The following CFAP20DC variants were observed in gnomAD, a reference collection of about 807,000 sequenced individuals.
CFAP20DC encodes CFAP20 domain containing.
Under a neutral mutation model 101.7 loss-of-function variants are expected in CFAP20DC, and 84 were observed. The observed-to-expected ratio is 0.83, with a 90% CI of 0.69 to 0.99. The LOEUF (loss-of-function observed/expected upper bound fraction) is 0.99. Ranked by LOEUF, CFAP20DC falls within the 50% of genes least tolerant of loss-of-function variation. CFAP20DC has a pLI of 0.00. For missense variants in CFAP20DC, 1,007 were observed against 970.3 expected, an observed-to-expected ratio of 1.04 and a Z score of -0.50; for synonymous variants, 359 against 351.2, an observed-to-expected ratio of 1.02 and a Z score of -0.25.
chr3:58,805,488 A>G (rs565529782), intron 15 of CFAP20DC, among the ~76,000 whole-genome samples: 4 of 152,292 alleles, frequency 2.6e-5, no homozygotes, highest in Admixed American at 2.6e-4. Flanking sequence ...TTTTAATACT[A>G]GCTAAGCTGT....
chr3:58,984,389 G>A (rs1267513094), intron 4 of CFAP20DC, among the ~76,000 whole-genome samples: 1 of 152,090 alleles, frequency 6.6e-6, no homozygotes, highest in African/African-American at 2.4e-5. Flanking sequence ...GAGGATTTAG[G>A]AATAATTATT....
At chr3:58,926,105 C>T (rs1435870676) in intron 5 of CFAP20DC, among the ~76,000 whole-genome samples, 1 of 151,922 alleles carries the variant, frequency 6.6e-6, no homozygotes, top group Non-Finnish European at 1.5e-5. Context: ...GTGGCTCATA[C>T]CTGTAATCCC....
chr3:58,979,563 G>T (rs918260735), intron 4 of CFAP20DC, among the ~76,000 whole-genome samples: 1 of 152,080 alleles, frequency 6.6e-6, no homozygotes, highest in Non-Finnish European at 1.5e-5. Context: ...TGAAATTCAG[G>T]CTCTGAACTT....
At chr3:58,945,924 T>C (rs1372756391) in intron 4 of CFAP20DC, among the ~76,000 whole-genome samples, 1 of 151,866 alleles carries the variant, frequency 6.6e-6, no homozygotes, top group East Asian at 1.9e-4. Flanking sequence ...CTCAATCTCC[T>C]GACCTCGTGA....
At chr3:59,048,848 G>A (rs1338720460) in intron 1 of CFAP20DC, among the ~76,000 whole-genome samples, 1 of 152,158 alleles carries the variant, frequency 6.6e-6, no homozygotes, top group Non-Finnish European at 1.5e-5. Context: ...GGCGAGGAGA[G>A]GAGACCAGGA....
At chr3:58,845,632 A>C (rs2077566686) in intron 13 of CFAP20DC, among the ~76,000 whole-genome samples, 1 of 152,170 alleles carries the variant, frequency 6.6e-6, no homozygotes, top group Non-Finnish European at 1.5e-5. Flanking sequence ...CAATCAATAC[A>C]AAAAGAGGGA....
intron 4 of CFAP20DC, among the ~76,000 whole-genome samples, chr3:59,027,037 G>A (rs2093906123): frequency 6.6e-6 from 1 of 152,144 alleles, no homozygotes; most frequent in African/African-American, 2.4e-5. Flanking sequence ...ACCATTTACT[G>A]TGAGGAAACG....
intron 15 of CFAP20DC, among the ~76,000 whole-genome samples, chr3:58,803,266 A>C (rs1037054818): frequency 6.6e-6 from 1 of 152,156 alleles, no homozygotes; most frequent in Non-Finnish European, 1.5e-5. Flanking sequence ...TCACAGCCAC[A>C]CTTCATTCAG....
chr3:58,737,763 G>T (rs562545101), downstream of CFAP20DC, among the ~76,000 whole-genome samples: 38 of 152,254 alleles, frequency 2.5e-4, no homozygotes, highest in South Asian at 7.7e-3. This position sits in a 1 kb window ranked among gnomAD's most constrained non-coding sequence, Gnocchi z 4.1. Flanking sequence ...GCTGACAACT[G>T]AGGGAAAAAA....
chr3:58,831,926 G>C, intron 13 of CFAP20DC, 37 bp from the exon 14 acceptor site: 1 of 1,576,740 alleles, frequency 6.3e-7, no homozygotes, highest in Non-Finnish European at 8.7e-7. Context: ...AGGGTCATTT[G>C]GCCTAATTCT....
rs569724842 is a variant in CFAP20DC at position 58,897,352 on chromosome 3, A to G, written c.551-12643T>C. ...TGCCATTGTGTCTTTTAATGGGGAC[A>G]CTAAGCCCATTTACATCTAAGGTTA... On this transcript the variant is annotated intron_variant, in intron 6 of 16. Transcript: ENST00000482387. The surrounding 1 kb of genome is among the most constrained non-coding windows in gnomAD (Gnocchi z 4.4). 6.6e-6 allele frequency among the ~76,000 whole-genome samples: 1 copy of G among 152,324 alleles called. No homozygotes were observed. Among genetic ancestry groups the G allele is most frequent in the East Asian group, 1.9e-4 (1 of 5,182 alleles).
chr3:58,888,677 T>A (rs552699475), intron 6 of CFAP20DC, among the ~76,000 whole-genome samples: 12 of 152,348 alleles, frequency 7.9e-5, no homozygotes, highest in Middle Eastern at 3.4e-3. Flanking sequence ...TGTTCCTGCA[T>A]TAGTTTGCTG....
intron 15 of CFAP20DC, among the ~76,000 whole-genome samples, chr3:58,790,677 A>T (rs761185670): frequency 6.6e-6 from 1 of 152,208 alleles, no homozygotes; most frequent in Non-Finnish European, 1.5e-5. Context: ...AACTAAAACT[A>T]TGAATGTGAT....
At chr3:58,789,415 G>A (rs2072662074) in intron 15 of CFAP20DC, among the ~76,000 whole-genome samples, 2 of 152,070 alleles carry the variant, frequency 1.3e-5, no homozygotes, top group Admixed American at 1.3e-4. Context: ...TCATTATTGT[G>A]TCAGATTATC....
At chr3:58,759,318 T>A (rs2069293926) in intron 15 of CFAP20DC, among the ~76,000 whole-genome samples, 1 of 152,262 alleles carries the variant, frequency 6.6e-6, no homozygotes, top group Non-Finnish European at 1.5e-5. Context: ...ATATGTCTTT[T>A]GGCTGCATAA....
chr3:59,049,746 A>T lies in CFAP20DC; in HGVS notation c.-115T>A. 7.6e-7 allele frequency: 1 copy of T among 1,308,180 alleles called. No homozygotes were observed. Among genetic ancestry groups the T allele is most frequent in the Non-Finnish European group, 1.0e-6 (1 of 960,224 alleles). 81.0% of individuals were successfully genotyped at this position (1,308,180 alleles called of 1,614,324 possible). On this transcript the variant is annotated 5_prime_UTR_variant, in exon 1 of 17. Transcript: ENST00000482387. The stretch of plus-strand genomic sequence containing the variant: ...AACCCAGGAGCCCGACGGGTGGGAA[A>T]GGGCTTCGTGCTTGGCCCAGACTTG...
chr3:58,956,171 G>A (rs114313776), intron 4 of CFAP20DC, among the ~76,000 whole-genome samples: 135 of 151,808 alleles, frequency 8.9e-4, no homozygotes, highest in African/African-American at 3.2e-3. Flanking sequence ...ATGGGATTTC[G>A]TCTTGTATCT....
At chr3:58,752,620 C>T (rs934361982) in intron 16 of CFAP20DC, among the ~76,000 whole-genome samples, 1 of 152,136 alleles carries the variant, frequency 6.6e-6, no homozygotes, top group Non-Finnish European at 1.5e-5. Context: ...CTCCTCCTGA[C>T]AGCCAAGATT....
chr3:58,811,018 A>G (rs2074578560), intron 14 of CFAP20DC, among the ~76,000 whole-genome samples: 1 of 152,172 alleles, frequency 6.6e-6, no homozygotes, highest in South Asian at 2.1e-4. Context: ...GACCTCTTCA[A>G]GGAGTACTAC....
Sources: allele counts gnomAD v4.1 joint callset (sites outside exome capture counted in the v4.1 genomes callset), GRCh38; gene constraint gnomAD v4.1.1; non-coding constraint Gnocchi (gnomAD v3.1); transcripts MANE v1.5; gene names NCBI Gene and HGNC (gene_info 2026-07-23, HGNC 2026-07-21).